The following KIF24 variants were observed in gnomAD, a reference collection of about 807,000 sequenced individuals.
KIF24 encodes the protein kinesin family member 24.
In KIF24, 81 loss-of-function variants were observed where a neutral mutation model predicts 118.9. The observed-to-expected ratio is 0.68, with a 90% CI of 0.57 to 0.82. The LOEUF (loss-of-function observed/expected upper bound fraction) is 0.82, where lower values mean the gene tolerates loss of function less well. KIF24 is among the 40% of genes least tolerant of loss of function. The probability of loss-of-function intolerance (pLI) is 0.00; values close to 1 mark genes in which losing one functional copy is unlikely to be tolerated. For missense variants in KIF24, 1,560 were observed against 1,661.6 expected, an observed-to-expected ratio of 0.94 and a Z score of 1.06; for synonymous variants, 599 against 610.0, an observed-to-expected ratio of 0.98 and a Z score of 0.27.
chr9:34,323,240 T>G (rs1381812314), intron 1 of KIF24, among the ~76,000 whole-genome samples: 1 of 152,212 alleles, frequency 6.6e-6, no homozygotes, highest in Non-Finnish European at 1.5e-5. Context: ...TTTCAAGAAA[T>G]TGTTTCTGTT....
intron 3 of KIF24, among the ~76,000 whole-genome samples, chr9:34,302,722 C>T (rs1482856893): frequency 6.6e-6 from 1 of 152,022 alleles, no homozygotes; most frequent in African/African-American, 2.4e-5. Flanking sequence ...CCCCCTCATC[C>T]TCCCAAAGTG....
intron 8 of KIF24, among the ~76,000 whole-genome samples, chr9:34,268,933 G>A (rs533463918): frequency 6.6e-5 from 10 of 152,196 alleles, no homozygotes; most frequent in Non-Finnish European, 1.5e-4. Context: ...ACTTTTCTAT[G>A]TTTGAAAAAT....
chr9:34,328,559 CT>C (rs1465596076), intron 1 of KIF24, among the ~76,000 whole-genome samples: 1 of 152,172 alleles, frequency 6.6e-6, no homozygotes, highest in African/African-American at 2.4e-5. Flanking sequence ...TGGCCTCCCC[CT>C]AGCCTCGAAA....
At chr9:34,327,718 A>G (rs1837715475) in intron 1 of KIF24, among the ~76,000 whole-genome samples, 1 of 151,962 alleles carries the variant, frequency 6.6e-6, no homozygotes, top group African/African-American at 2.4e-5. Flanking sequence ...CAATTCTTTG[A>G]TTTTCCAGAT....
chr9:34,271,122 T>C (rs1361928054), intron 7 of KIF24, among the ~76,000 whole-genome samples: 1 of 151,860 alleles, frequency 6.6e-6, no homozygotes, highest in African/African-American at 2.4e-5. Context: ...AGTGTCAGCT[T>C]TCCAAGAGTA....
chr9:34,262,676 ATATATATATATAT>A (rs1460192792), intron 9 of KIF24, among the ~76,000 whole-genome samples: 168 of 13,244 alleles, frequency 0.013, 13 homozygotes, highest in Non-Finnish European at 0.016. Flanking sequence ...AAAAAAAAAA[ATATATATATATAT>A]ATATATATAT....
chr9:34,303,398 A>C lies in KIF24; in HGVS notation c.813+2854T>G, dbSNP rs562892280. Among the ~76,000 whole-genome samples the C allele has an allele frequency of 6.6e-5, 10 of 152,374 alleles. No homozygotes were observed. The South Asian group carries it at 2.1e-3, about 32-fold the overall frequency. ...TTTACCAACAGTATTTTAATAATCA[A>C]GTATGGTTGTTGCATTATTAAACAG... On this transcript the variant is annotated intron_variant, in intron 3 of 12. Coordinates refer to ENST00000402558, the MANE Select transcript of KIF24 (RefSeq NM_194313.4).
Position 34,254,125 on chromosome 9 carries a change from G to A in KIF24, c.*255C>T. 2.6e-6 allele frequency: 1 copy of A among 378,796 alleles called. No homozygotes were observed. Among genetic ancestry groups the A allele is most frequent in the Non-Finnish European group, 4.7e-6 (1 of 212,478 alleles). The allele number at this position is 378,796 out of a possible 1,614,324, so 23.5% of individuals were successfully genotyped here. A position where few individuals can be genotyped will look rare whatever the true frequency, so the allele number is the denominator to read the frequency against. On this transcript the variant is annotated 3_prime_UTR_variant, in exon 13 of 13. Coordinates refer to ENST00000402558, the MANE Select transcript of KIF24 (RefSeq NM_194313.4). ...TTAATCATATTCTCTAGGCACAAGG[G>A]AAAGGCATTAGGTTCTTCGGCCTGG...
At chr9:34,314,282 G>T (rs528142144) in intron 1 of KIF24, among the ~76,000 whole-genome samples, 117 of 152,198 alleles carry the variant, frequency 7.7e-4, no homozygotes, top group African/African-American at 2.7e-3. Flanking sequence ...CCATGCCTCA[G>T]CCTCCCAAAT....
At chr9:34,286,476 A>T in intron 6 of KIF24, 141 bp downstream of exon 6, 11 of 592,678 alleles carry the variant, frequency 1.9e-5, no homozygotes, top group Middle Eastern at 4.1e-4. Flanking sequence ...AAGAATTCAC[A>T]TTTTACAGAT....
At chr9:34,255,547 T>G (rs1227855260) in intron 11 of KIF24, among the ~76,000 whole-genome samples, 188 bp downstream of exon 11, 1 of 152,192 alleles carries the variant, frequency 6.6e-6, no homozygotes, top group Non-Finnish European at 1.5e-5. Context: ...TGGAGCCTAT[T>G]GCCTGGTCTG....
At chr9:34,290,814 C>T (rs575767440) in intron 4 of KIF24, among the ~76,000 whole-genome samples, 6 of 151,958 alleles carry the variant, frequency 3.9e-5, no homozygotes, top group African/African-American at 1.2e-4. Flanking sequence ...TGGCCAAGCT[C>T]GTCTCGAACT....
rs143558123 is a variant in KIF24 at position 34,303,456 on chromosome 9, T to G, written c.813+2796A>C. 5.4e-3 allele frequency among the ~76,000 whole-genome samples: 827 copies of G among 152,328 alleles called. 4 individuals carry two copies. The highest frequency in any genetic ancestry group is 7.6e-3 in the Non-Finnish European group (517 of 68,032). ...TATAGTGCCTATCACAGTTAATAGC[T>G]TTCCTAGTACTGAACTTGGATTATG... On this transcript the variant is annotated intron_variant, in intron 3 of 12. Coordinates refer to ENST00000402558, the MANE Select transcript of KIF24 (RefSeq NM_194313.4).
chr9:34,311,840 C>T (rs1837181620), intron 1 of KIF24, among the ~76,000 whole-genome samples: 2 of 151,178 alleles, frequency 1.3e-5, no homozygotes, highest in Non-Finnish European at 2.9e-5. Context: ...ATACATAACA[C>T]ATAACTTACT....
In KIF24 at chr9:34,256,589, TGTG is replaced by T; in HGVS notation, c.3015_3017del (p.Thr1006del). 6.2e-7 allele frequency: 1 copy of T among 1,613,906 alleles called. No individual in the cohort carries two copies. The highest frequency in any genetic ancestry group is 1.1e-5 in the South Asian group (1 of 91,082). On this transcript the variant is annotated inframe_deletion, in exon 11 of 13. Transcript: ENST00000402558. ...CGTCTGCACTGACTTCTCTCAGAGGTGTGGTGACTGTGTCTCTTTGGTCTGGGG... is the reference window on the plus strand; with the variant it reads ...CGTCTGCACTGACTTCTCTCAGAGGTGTGACTGTGTCTCTTTGGTCTGGGG...
In KIF24 at chr9:34,254,415, G is replaced by A; in HGVS notation, c.4072C>T (p.Pro1358Ser). ...QLQLYLTCHG[P>S]TAAPEGTVPS Reference sequence around the variant, plus strand: ...ACTGTTCCCTCAGGGGCTGCGGTGGGCCCGTGGCAGGTGAGATAGAGCTGC... The same window carrying A: ...ACTGTTCCCTCAGGGGCTGCGGTGGACCCGTGGCAGGTGAGATAGAGCTGC... Residue 1358 changes from proline (P) to serine (S), a missense_variant, in exon 13 of 13, where the codon CCC becomes TCC. Around this residue, in one of 3 missense-constraint regions of KIF24, gnomAD observed 591 missense variants for 655.6 expected, o/e 0.90. Coordinates refer to ENST00000402558, the MANE Select transcript of KIF24 (RefSeq NM_194313.4). 2 of 1,613,716 alleles carry A rather than the reference G, an allele frequency of 1.2e-6. No homozygotes were observed. Among genetic ancestry groups the A allele is most frequent in the Non-Finnish European group, 8.5e-7 (1 of 1,179,860 alleles).
intron 3 of KIF24, among the ~76,000 whole-genome samples, chr9:34,305,760 T>C (rs1836889375): frequency 6.6e-6 from 1 of 151,916 alleles, no homozygotes; most frequent in African/African-American, 2.4e-5. Flanking sequence ...CACACCACCA[T>C]GCTGGGCTAG....
At chr9:34,285,642 G>A (rs1836014202) in intron 6 of KIF24, among the ~76,000 whole-genome samples, 2 of 151,936 alleles carry the variant, frequency 1.3e-5, no homozygotes, top group South Asian at 2.1e-4. Flanking sequence ...GGGCGTGGTG[G>A]CGGGTGCCTG....
At chr9:34,273,296 G>C (rs1202487708) in intron 6 of KIF24, among the ~76,000 whole-genome samples, 2 of 150,458 alleles carry the variant, frequency 1.3e-5, no homozygotes, top group Non-Finnish European at 3.0e-5. Flanking sequence ...AAAATGCTGG[G>C]ATTACTGGTG....
Sources: gnomAD v4.1 joint callset for allele counts (sites outside exome capture counted in the v4.1 genomes callset) on GRCh38, gnomAD v4.1.1 for gene constraint, gnomAD v4.1.1 regional missense constraint, MANE v1.5 for transcripts, NCBI Gene and HGNC (gene_info 2026-07-23, HGNC 2026-07-21) for gene names.